The following RBMS1 variants were observed in gnomAD, a reference collection of about 807,000 sequenced individuals.
RBMS1 encodes RNA binding motif single stranded interacting protein 1, also known as RNA-binding motif, single-stranded-interacting protein 1.
In RBMS1, 17 loss-of-function variants were observed where a neutral mutation model predicts 62.3. The ratio of observed to expected loss-of-function variants is 0.27; its 90% CI spans 0.19 to 0.41. The LOEUF is 0.41. Among genes scored for constraint, RBMS1 ranks in the 10% least tolerant of loss-of-function variants. The pLI is 1.00. For synonymous variants in RBMS1, 172 were observed against 170.0 expected (o/e 1.01, Z -0.09); for missense variants, 334 against 504.5 (o/e 0.66, Z 3.24).
chr2:160,466,435 G>C (rs1684694107), intron 1 of RBMS1, among the ~76,000 whole-genome samples: 1 of 152,058 alleles, frequency 6.6e-6, no homozygotes, highest in South Asian at 2.1e-4. Flanking sequence ...ATGTGAAAAT[G>C]AGACACCAAG....
At chr2:160,399,048 C>G (rs1695303994) in intron 1 of RBMS1, among the ~76,000 whole-genome samples, 1 of 152,212 alleles carries the variant, frequency 6.6e-6, no homozygotes, top group African/African-American at 2.4e-5. Context: ...TGCAGTCAAC[C>G]TAACCTGAAC....
intron 1 of RBMS1, among the ~76,000 whole-genome samples, chr2:160,436,245 C>T (rs1238060046): frequency 6.6e-6 from 1 of 152,174 alleles, no homozygotes; most frequent in Non-Finnish European, 1.5e-5. Context: ...TGATGCTGCT[C>T]CTGGCAGCTT....
rs550899325 is a variant in RBMS1 at position 160,361,552 on chromosome 2, G to A, written c.251+5664C>T. 5.3e-5 allele frequency among the ~76,000 whole-genome samples: 8 copies of A among 152,242 alleles called. No homozygotes were observed. In the South Asian group the frequency reaches 1.0e-3, roughly 20 times the overall value. On this transcript the variant is annotated intron_variant, in intron 2 of 13. Transcript: ENST00000348849. The stretch of plus-strand genomic sequence containing the variant: ...AGTATTGCAATAAAACAAGTCAAAC[G>A]AATTTTTTTGTTTCCCAAGCATATG...
At chr2:160,407,354 AG>A in intron 1 of RBMS1, 1 of 985,248 alleles carries the variant, frequency 1.0e-6, no homozygotes. Flanking sequence ...CTGGGAAACA[AG>A]GTCACCGCCC....
At chr2:160,321,734 G>A (rs530742567) in intron 2 of RBMS1, among the ~76,000 whole-genome samples, 82 of 152,098 alleles carry the variant, frequency 5.4e-4, no homozygotes, top group Admixed American at 9.2e-4. Flanking sequence ...CGGGGTCCTC[G>A]TGCCACCACT....
At chr2:160,345,818 G>A (rs1033885203) in intron 2 of RBMS1, among the ~76,000 whole-genome samples, 1 of 152,120 alleles carries the variant, frequency 6.6e-6, no homozygotes, top group African/African-American at 2.4e-5. Context: ...TCAGAAGTGG[G>A]TGGTGAGTAG....
At chr2:160,477,280 G>A (rs1196787187) in intron 1 of RBMS1, among the ~76,000 whole-genome samples, 1 of 152,202 alleles carries the variant, frequency 6.6e-6, no homozygotes, top group Non-Finnish European at 1.5e-5. Flanking sequence ...CCAGGAGGTT[G>A]AGGATGCAAT....
intron 1 of RBMS1, among the ~76,000 whole-genome samples, chr2:160,420,553 C>T (rs1203785746): frequency 3.3e-5 from 5 of 152,286 alleles, no homozygotes; most frequent in East Asian, 1.9e-4. Context: ...ACTCCCCATA[C>T]GTACTCTATT....
Position 160,278,640 on chromosome 2 carries a change from A to C in RBMS1, c.970T>G (p.Ser324Ala), listed in dbSNP as rs774644017. 4 of 1,613,000 alleles carry C rather than the reference A, an allele frequency of 2.5e-6. No individual in the cohort carries two copies. The Admixed American group carries it at 6.7e-5, about 27-fold the overall frequency. The change falls in exon 11 of 14, where the codon TCA becomes GCA. Residue 324 changes from serine (S) to alanine (A), a missense_variant. Ser to Ala is a moderately conservative substitution (Grantham distance 99). This residue lies in a region of RBMS1 where 182 missense variants were observed against 257.7 expected (regional missense o/e 0.71). Coordinates refer to ENST00000348849, the MANE Select transcript of RBMS1 (RefSeq NM_016836.4). ...LQHPGAVLTP[S>A]MEHTMSLQPA... ...TGTAGTGACATGGTGTGCTCCATTGAGGGAGTTAACACGGCACCCTGGGGA... is the reference window on the plus strand; with the variant it reads ...TGTAGTGACATGGTGTGCTCCATTGCGGGAGTTAACACGGCACCCTGGGGA...
intron 4 of RBMS1, among the ~76,000 whole-genome samples, chr2:160,310,736 C>T (rs868744331): frequency 6.6e-6 from 1 of 152,094 alleles, no homozygotes; most frequent in Admixed American, 6.5e-5. Flanking sequence ...TATACAATGC[C>T]GGGTTACCCA....
intron 1 of RBMS1, among the ~76,000 whole-genome samples, chr2:160,433,435 A>C (rs965269921): frequency 2.0e-5 from 3 of 151,914 alleles, no homozygotes; most frequent in African/African-American, 7.3e-5. Context: ...AAAACAAAAC[A>C]CAAAAAAACT....
intron 2 of RBMS1, among the ~76,000 whole-genome samples, chr2:160,352,901 G>A (rs534430954): frequency 6.6e-6 from 1 of 152,208 alleles, no homozygotes; most frequent in African/African-American, 2.4e-5. Flanking sequence ...TATCTATTAT[G>A]AGGCACGTGA....
At chr2:160,302,747 C>A (rs1275387068) in intron 5 of RBMS1, 2 of 149,310 alleles carry the variant, frequency 1.3e-5, no homozygotes, top group African/African-American at 4.9e-5. Context: ...CCCGCCTGGC[C>A]TCCCAAAATG....
intron 2 of RBMS1, among the ~76,000 whole-genome samples, chr2:160,360,382 G>T (rs1693058945): frequency 6.6e-6 from 1 of 152,166 alleles, no homozygotes; most frequent in African/African-American, 2.4e-5. Context: ...CAGAAAGAAA[G>T]GAGAGAAATT....
chr2:160,314,615 G>A (rs966026514), intron 3 of RBMS1, among the ~76,000 whole-genome samples: 5 of 152,096 alleles, frequency 3.3e-5, no homozygotes, highest in Non-Finnish European at 7.3e-5. Context: ...ATAATGAGAT[G>A]GAGCAGACTA....
intron 1 of RBMS1, among the ~76,000 whole-genome samples, chr2:160,437,218 T>C (rs1683146300): frequency 6.6e-6 from 1 of 152,144 alleles, no homozygotes; most frequent in Admixed American, 6.5e-5. Context: ...ACCAAACTTA[T>C]CTCCACCACT....
intron 2 of RBMS1, among the ~76,000 whole-genome samples, chr2:160,322,405 G>T (rs1197181123): frequency 2.0e-5 from 3 of 152,158 alleles, no homozygotes; most frequent in Non-Finnish European, 4.4e-5. Context: ...TTAAACATAA[G>T]AAATAAACAC....
At chr2:160,407,795 C>T (rs1326932905) in intron 1 of RBMS1, 1 of 981,232 alleles carries the variant, frequency 1.0e-6, no homozygotes, top group Non-Finnish European at 1.2e-6. Flanking sequence ...CCCTGCGTGC[C>T]ATGGACGGGA....
chr2:160,404,740 C>T (rs543074636), intron 1 of RBMS1, among the ~76,000 whole-genome samples: 325 of 152,282 alleles, frequency 2.1e-3, no homozygotes, highest in African/African-American at 7.0e-3. Flanking sequence ...AATGCTGCTT[C>T]CAAACATCAC....
Sources: gnomAD v4.1 joint callset for allele counts (sites outside exome capture counted in the v4.1 genomes callset) on GRCh38, gnomAD v4.1.1 for gene constraint, gnomAD v4.1.1 regional missense constraint, MANE v1.5 for transcripts, NCBI Gene and HGNC (gene_info 2026-07-23, HGNC 2026-07-21) for gene names.